Variants in COL15A1 observed in about 807,000 individuals in gnomAD.
The protein encoded by COL15A1 is collagen type XV alpha 1 chain.
In COL15A1, 111 loss-of-function variants were observed where a neutral mutation model predicts 165.9. That is an observed-to-expected ratio of 0.67 (90% confidence interval 0.57 to 0.78). The LOEUF (loss-of-function observed/expected upper bound fraction) is 0.78, where lower values mean the gene tolerates loss of function less well. COL15A1 is among the 30% of genes least tolerant of loss of function. COL15A1 has a pLI of 0.00. For missense variants in COL15A1, 1,745 were observed against 1,789.7 expected (o/e 0.98, Z 0.45); for synonymous variants, 659 against 674.8 (o/e 0.98, Z 0.36).
At position 99,069,691 on chromosome 9, in the gene COL15A1, G is replaced by A; in HGVS notation, c.3972G>A (p.Trp1324Ter). Residue 1324 changes from tryptophan (W) to a stop codon, truncating the protein, a stop_gained, in exon 42 of 42, where the codon TGG (tryptophan) becomes TGA (stop). Transcript: ENST00000375001. LOFTEE classifies it high-confidence loss of function. Reference sequence around the variant, plus strand: ...TTTATAGGCCCCAGAAAGTCATTTGGCATGGCTCCAGCCCCCATGGCGTCC... The same window carrying A: ...TTTATAGGCCCCAGAAAGTCATTTGACATGGCTCCAGCCCCCATGGCGTCC... ...TDPSWPQKVIWHGSSPHGVRL... is the reference protein window; with the variant it reads ...TDPSWPQKVI 2 of 1,602,586 alleles carry A rather than the reference G, an allele frequency of 1.2e-6. No individual in the cohort carries two copies. Among genetic ancestry groups the A allele is most frequent in the Non-Finnish European group, 1.7e-6 (2 of 1,170,592 alleles).
chr9:99,021,491 G>C (rs561600143), intron 12 of COL15A1, among the ~76,000 whole-genome samples: 1 of 152,224 alleles, frequency 6.6e-6, no homozygotes, highest in African/African-American at 2.4e-5. Context: ...GGCCCTTTTT[G>C]ACAGCCAAAA....
At chr9:98,961,680 G>A (rs990539244) in intron 2 of COL15A1, among the ~76,000 whole-genome samples, 3 of 152,060 alleles carry the variant, frequency 2.0e-5, no homozygotes, top group East Asian at 1.9e-4. Flanking sequence ...TCCCACCCTC[G>A]GTCAGTCCTG....
In COL15A1 at chr9:99,070,711, A is replaced by G. The variant is rs558496833; in HGVS notation, c.*825A>G. On this transcript the variant is annotated 3_prime_UTR_variant, in exon 42 of 42. Coordinates refer to ENST00000375001, the MANE Select transcript of COL15A1 (RefSeq NM_001855.5). ...TAGAGATGAATTTTCTGAGAAACAT[A>G]TATCTACATGTTGTATAATTGGATT... The G allele has an allele frequency of 4.7e-6, 2 of 427,842 alleles. No individual in the cohort carries two copies. The highest frequency in any genetic ancestry group is 7.8e-5 in the East Asian group (1 of 12,850). 26.5% of individuals were successfully genotyped at this position (427,842 alleles called of 1,614,324 possible). A position where few individuals can be genotyped will look rare whatever the true frequency, so the allele number is the denominator to read the frequency against.
chr9:99,053,453 C>G (rs1012767320), intron 31 of COL15A1, among the ~76,000 whole-genome samples: 5 of 152,228 alleles, frequency 3.3e-5, no homozygotes, highest in African/African-American at 4.8e-5. Flanking sequence ...CCCAATTGTT[C>G]CTCTTCCCTG....
intron 36 of COL15A1, among the ~76,000 whole-genome samples, chr9:99,060,429 ATTTTTT>A (rs36003230): frequency 8.5e-5 from 11 of 129,590 alleles, no homozygotes; most frequent in South Asian, 5.1e-4. Flanking sequence ...CACCTGGCTA[ATTTTTT>A]TTTTTTTTTT....
intron 2 of COL15A1, among the ~76,000 whole-genome samples, chr9:98,949,150 TATTCTTTCATGTCTG>T (rs985922265): frequency 1.5e-4 from 23 of 152,390 alleles, no homozygotes; most frequent in African/African-American, 4.6e-4. Context: ...ATGCAGAATC[TATTCTTTCATGTCTG>T]ATTCTTTCAA....
chr9:99,040,936 C>T, intron 23 of COL15A1: 1 of 216,954 alleles, frequency 4.6e-6, no homozygotes, highest in Non-Finnish European at 9.5e-6. Flanking sequence ...ACGATTGTGA[C>T]CATGACTCTG....
chr9:98,969,727 G>C (rs1312352467), intron 2 of COL15A1, among the ~76,000 whole-genome samples: 1 of 152,252 alleles, frequency 6.6e-6, no homozygotes, highest in Non-Finnish European at 1.5e-5. Flanking sequence ...GCTTCCTGGA[G>C]TGGGTCAGGC....
rs1355866319 is a variant in COL15A1, at chr9:98,985,811, A to T, written c.347A>T (p.Lys116Met). 1 of 1,613,830 alleles carries T rather than the reference A, an allele frequency of 6.2e-7. No homozygotes were observed. The highest frequency in any genetic ancestry group is 2.2e-5 in the East Asian group (1 of 44,876). ...VLFAITDAFQ[K>M]VIYLGLRLSG... ...TTCGCCATCACTGACGCCTTCCAGAAGGTCATCTACCTGGGCCTGCGGCTC... is the reference window on the plus strand; with the variant it reads ...TTCGCCATCACTGACGCCTTCCAGATGGTCATCTACCTGGGCCTGCGGCTC... The change falls in exon 3 of 42, where the codon AAG becomes ATG. Residue 116 changes from lysine (K) to methionine (M), a missense_variant. Physicochemically the swap from Lys to Met is moderately conservative, Grantham distance 95. Transcript: ENST00000375001.
chr9:98,987,998 G>T (rs1838346187), intron 4 of COL15A1, among the ~76,000 whole-genome samples: 2 of 152,180 alleles, frequency 1.3e-5, no homozygotes, highest in African/African-American at 4.8e-5. Flanking sequence ...AGCAGGAGAG[G>T]AAAGAGGAGG....
At chr9:99,027,473 T>C (rs1387829323) in intron 16 of COL15A1, among the ~76,000 whole-genome samples, 1 of 152,200 alleles carries the variant, frequency 6.6e-6, no homozygotes, top group African/African-American at 2.4e-5. Context: ...CCAACAGTTT[T>C]ACAGAAATTA....
rs138083810 is a variant in COL15A1, at chr9:98,950,883, G to A, written c.100+6633G>A. ...CTCCCAAAGTGCTGGGATTACAGGC[G>A]TGAGCCACTGTGCCTGGCCTATTTG... On this transcript the variant is annotated intron_variant, in intron 2 of 41. Coordinates refer to ENST00000375001, the MANE Select transcript of COL15A1 (RefSeq NM_001855.5). Among the ~76,000 whole-genome samples the A allele has an allele frequency of 7.3e-3, 1,108 of 152,224 alleles. 14 individuals are homozygous for A. Among genetic ancestry groups the A allele is most frequent in the African/African-American group, 0.025 (1,056 of 41,530 alleles).
intron 35 of COL15A1, among the ~76,000 whole-genome samples, chr9:99,059,450 C>A (rs1397989834): frequency 6.6e-6 from 1 of 152,248 alleles, no homozygotes; most frequent in African/African-American, 2.4e-5. Flanking sequence ...CACTGCACCA[C>A]CCTGGTCTCC....
At chr9:98,946,449 A>G (rs1837585213) in intron 2 of COL15A1, among the ~76,000 whole-genome samples, 1 of 152,150 alleles carries the variant, frequency 6.6e-6, no homozygotes, top group Non-Finnish European at 1.5e-5. Flanking sequence ...ACATGAGTCC[A>G]TTGCATGGCA....
At chr9:99,024,112 T>C (rs1392335957) in intron 14 of COL15A1, among the ~76,000 whole-genome samples, 1 of 152,040 alleles carries the variant, frequency 6.6e-6, no homozygotes, top group Non-Finnish European at 1.5e-5. Context: ...TGCCCACTCC[T>C]CATGGCCAGG....
At chr9:99,051,226 C>G (rs1289021496) in intron 30 of COL15A1, among the ~76,000 whole-genome samples, 2 of 152,154 alleles carry the variant, frequency 1.3e-5, no homozygotes, top group East Asian at 3.8e-4. Context: ...CAGAACAGCA[C>G]TTGACAAATT....
intron 9 of COL15A1, among the ~76,000 whole-genome samples, chr9:99,011,423 A>C (rs200458199): frequency 4.8e-4 from 65 of 135,142 alleles, no homozygotes; most frequent in African/African-American, 9.9e-4. Context: ...AAAAAAAAAA[A>C]AGTCATTTTA....
intron 11 of COL15A1, among the ~76,000 whole-genome samples, chr9:99,018,596 T>C (rs1405906230): frequency 6.6e-6 from 1 of 152,202 alleles, no homozygotes; most frequent in Non-Finnish European, 1.5e-5. Flanking sequence ...TTGTCCATAA[T>C]AGAGAAAAAT....
chr9:99,058,914 G>A (rs1310827972), intron 35 of COL15A1, among the ~76,000 whole-genome samples: 2 of 152,284 alleles, frequency 1.3e-5, no homozygotes, highest in East Asian at 3.9e-4. Flanking sequence ...TAATTTTACT[G>A]GGGCTTGTAA....
Sources: gnomAD v4.1 joint callset for allele counts (sites outside exome capture counted in the v4.1 genomes callset) on GRCh38, gnomAD v4.1.1 for gene constraint, MANE v1.5 for transcripts, NCBI Gene and HGNC (gene_info 2026-07-23, HGNC 2026-07-21) for gene names.